Variants in MARK2 observed in about 807,000 individuals in gnomAD.
MARK2 encodes the protein serine/threonine-protein kinase MARK2.
A neutral mutation model predicts 89.8 loss-of-function variants in MARK2; 16 were observed. The ratio of observed to expected loss-of-function variants is 0.18; its 90% CI spans 0.12 to 0.27. The LOEUF is 0.27. MARK2 is among the 10% of genes least tolerant of loss of function. The pLI is 1.00. For missense variants in MARK2, 621 were observed against 1,049.9 expected, an observed-to-expected ratio of 0.59 and a Z score of 5.65; for synonymous variants, 382 against 399.5, an observed-to-expected ratio of 0.96 and a Z score of 0.52.
intron 1 of MARK2, among the ~76,000 whole-genome samples, chr11:63,876,141 TC>T: frequency 6.6e-6 from 1 of 152,168 alleles, no homozygotes; most frequent in Non-Finnish European, 1.5e-5. Flanking sequence ...CTTTTCTAGC[TC>T]CATTTATACA....
chr11:63,904,213 A>C lies in MARK2; in HGVS notation c.1676+66A>C. ...CCCACCCTACCCCCTTGCCCCAACA[A>C]TTTCTTCTTCCCACTTGGGGGTCCT... On this transcript the variant is annotated intron_variant, in intron 15 of 18. Transcript: ENST00000402010. This position sits in a 1 kb window ranked among gnomAD's most constrained non-coding sequence, Gnocchi z 6.3. 1 of 1,374,586 alleles carries C rather than the reference A, an allele frequency of 7.3e-7. No homozygotes were observed. The highest frequency in any genetic ancestry group is 2.7e-5 in the East Asian group (1 of 37,622). 85.1% of individuals were successfully genotyped at this position (1,374,586 alleles called of 1,614,324 possible).
intron 1 of MARK2, among the ~76,000 whole-genome samples, chr11:63,877,794 C>T (rs190457184): frequency 6.6e-6 from 1 of 152,294 alleles, no homozygotes; most frequent in African/African-American, 2.4e-5. Context: ...ACAGCAAGGG[C>T]CCCTTGGAGC....
chr11:63,902,368 C>G lies in MARK2; in HGVS notation c.1234+38C>G. On this transcript the variant is annotated intron_variant, in intron 12 of 18. Coordinates refer to ENST00000402010, the MANE Select transcript of MARK2 (RefSeq NM_001039469.3). The surrounding 1 kb of genome is among the most constrained non-coding windows in gnomAD (Gnocchi z 4.2). The stretch of plus-strand genomic sequence containing the variant: ...GGGAGTTGTAGGTGGGGACTCACCC[C>G]TCTCCAGAGAGGTTACAGGTTCTGT... 1.9e-6 allele frequency: 3 copies of G among 1,612,662 alleles called. No individual in the cohort carries two copies. Among genetic ancestry groups the G allele is most frequent in the East Asian group, 4.5e-5 (2 of 44,868 alleles).
chr11:63,873,372 C>T (rs767580593), intron 1 of MARK2, among the ~76,000 whole-genome samples: 6 of 152,148 alleles, frequency 3.9e-5, no homozygotes, highest in Non-Finnish European at 7.3e-5. Context: ...CTTCCCTGGC[C>T]TCAACAAGAC....
intron 1 of MARK2, among the ~76,000 whole-genome samples, chr11:63,859,425 A>G (rs779248919): frequency 2.6e-5 from 4 of 151,350 alleles, no homozygotes; most frequent in Non-Finnish European, 4.4e-5. Flanking sequence ...GGTTCAAGCA[A>G]TTCTCCTGCC....
intron 3 of MARK2, among the ~76,000 whole-genome samples, chr11:63,896,264 C>A (rs1940393596): frequency 6.6e-6 from 1 of 152,202 alleles, no homozygotes; most frequent in African/African-American, 2.4e-5. Context: ...TGGCTTGTGG[C>A]CAGCCCTATG....
chr11:63,862,946 C>CAA (rs1937892656), intron 1 of MARK2, among the ~76,000 whole-genome samples: 1 of 152,004 alleles, frequency 6.6e-6, no homozygotes, highest in South Asian at 2.1e-4. Flanking sequence ...GAAGCAAACT[C>CAA]AGATTCTCTC....
At chr11:63,863,919 G>C (rs1937970375) in intron 1 of MARK2, among the ~76,000 whole-genome samples, 1 of 151,930 alleles carries the variant, frequency 6.6e-6, no homozygotes, top group Admixed American at 6.6e-5. Flanking sequence ...TAATAGGCAC[G>C]TCCCACTACA....
chr11:63,906,012 C>T, intron 16 of MARK2, 76 bp from the exon 17 acceptor site: 1 of 1,250,772 alleles, frequency 8.0e-7, no homozygotes, highest in Non-Finnish European at 1.0e-6. Flanking sequence ...CCCCCACCTG[C>T]TTATCCACAT....
intron 1 of MARK2, among the ~76,000 whole-genome samples, chr11:63,876,941 C>CTGA (rs1938794742): frequency 6.6e-6 from 1 of 152,034 alleles, no homozygotes; most frequent in Non-Finnish European, 1.5e-5. Flanking sequence ...GTGCCATTCC[C>CTGA]AGGTTCATAC....
At chr11:63,857,911 C>T (rs541924081) in intron 1 of MARK2, among the ~76,000 whole-genome samples, 102 of 152,120 alleles carry the variant, frequency 6.7e-4, no homozygotes, top group African/African-American at 2.3e-3. Context: ...GGCATGATCT[C>T]GGCTCATTGC....
At chr11:63,881,592 G>A (rs967122450) in intron 1 of MARK2, among the ~76,000 whole-genome samples, 4 of 152,104 alleles carry the variant, frequency 2.6e-5, no homozygotes, top group African/African-American at 9.7e-5. Flanking sequence ...ATGAAGGTGA[G>A]GGAGATACTG....
intron 1 of MARK2, among the ~76,000 whole-genome samples, chr11:63,876,920 C>T (rs990211909): frequency 6.6e-6 from 1 of 152,034 alleles, no homozygotes. Flanking sequence ...ACGAGCTAAT[C>T]TCACTGAAGA....
At position 63,901,007 on chromosome 11, in the gene MARK2, G is replaced by C. The variant is rs765886989; in HGVS notation, c.1039G>C (p.Val347Leu). The change falls in exon 11 of 19, where the codon GTG becomes CTG. Residue 347 changes from valine to leucine, a missense_variant. Coordinates refer to ENST00000402010, the MANE Select transcript of MARK2 (RefSeq NM_001039469.3). ...YTREEIQDSL[V>L]GQRYNEVMAT... ...ACGGGAAGAGATCCAGGACTCGCTG[G>C]TGGGCCAGAGATACAACGAGGTGAT... 9 of 1,614,064 alleles carry C rather than the reference G, an allele frequency of 5.6e-6. No individual in the cohort carries two copies. The African/African-American group carries it at 1.2e-4, about 22-fold the overall frequency.
rs553838331 is a variant in MARK2, at chr11:63,880,561, A to G, written c.55-14598A>G. ...TGCATTCATTGTCACAGCAAGACAC[A>G]ATGGTTTTGATAGCAAAGCAGTAGA... On this transcript the variant is annotated intron_variant, in intron 1 of 18. Coordinates refer to ENST00000402010, the MANE Select transcript of MARK2 (RefSeq NM_001039469.3). Among the ~76,000 whole-genome samples, 3 of 152,300 alleles carry G rather than the reference A, an allele frequency of 2.0e-5. 1 individual carries two copies. The South Asian group carries it at 6.2e-4, about 32-fold the overall frequency.
At chr11:63,877,298 A>T (rs961380240) in intron 1 of MARK2, among the ~76,000 whole-genome samples, 1 of 151,268 alleles carries the variant, frequency 6.6e-6, no homozygotes, top group Non-Finnish European at 1.5e-5. Flanking sequence ...TTTAGTAGAG[A>T]TGGGGTTTCA....
At chr11:63,880,887 T>C (rs1330008843) in intron 1 of MARK2, among the ~76,000 whole-genome samples, 3 of 152,262 alleles carry the variant, frequency 2.0e-5, no homozygotes, top group African/African-American at 4.8e-5. Context: ...CTATCAGTTA[T>C]CAGTTGGTCC....
At chr11:63,874,361 CT>C (rs950746802) in intron 1 of MARK2, among the ~76,000 whole-genome samples, 2 of 152,206 alleles carry the variant, frequency 1.3e-5, no homozygotes, top group Non-Finnish European at 2.9e-5. Flanking sequence ...CAAATATACC[CT>C]TAAGACATCT....
chr11:63,864,988 C>T (rs1265794726), intron 1 of MARK2, among the ~76,000 whole-genome samples: 1 of 152,214 alleles, frequency 6.6e-6, no homozygotes, highest in South Asian at 2.1e-4. Flanking sequence ...CTCCCAGGCT[C>T]AAGCAATCCT....
Sources: gnomAD v4.1 joint callset for allele counts (sites outside exome capture counted in the v4.1 genomes callset) on GRCh38, gnomAD v4.1.1 for gene constraint, Gnocchi (gnomAD v3.1) non-coding constraint, MANE v1.5 for transcripts, NCBI Gene and HGNC (gene_info 2026-07-23, HGNC 2026-07-21) for gene names.